The following URB1 variants were observed in gnomAD, a reference collection of about 807,000 sequenced individuals.
URB1 encodes URB1 ribosome biogenesis factor.
In URB1, 197 loss-of-function variants were observed where a neutral mutation model predicts 242.3. That is an observed-to-expected ratio of 0.81 (90% CI 0.72 to 0.91). The LOEUF is 0.91. Ranked by LOEUF, URB1 falls within the 40% of genes least tolerant of loss-of-function variation. The pLI, the probability that URB1 is intolerant of heterozygous loss-of-function variation, is 0.00. For synonymous variants in URB1, 1,153 were observed against 1,201.8 expected (o/e 0.96, Z 0.84); for missense variants, 2,721 against 2,860.5 (o/e 0.95, Z 1.11).
chr21:32,339,141 T>C (rs1302168968), intron 25 of URB1, among the ~76,000 whole-genome samples: 1 of 152,004 alleles, frequency 6.6e-6, no homozygotes, highest in Non-Finnish European at 1.5e-5. Flanking sequence ...ATTAAAGGCA[T>C]GCACCACCAC....
At chr21:32,338,989 T>G (rs2032997262) in intron 25 of URB1, 89 bp from the exon 26 acceptor site, 1 of 1,231,060 alleles carries the variant, frequency 8.1e-7, no homozygotes, top group East Asian at 2.7e-5. Flanking sequence ...TCTCAGTATT[T>G]TATTTATTTA....
At chr21:32,367,947 G>C (rs1005092945) in intron 9 of URB1, among the ~76,000 whole-genome samples, 1 of 152,144 alleles carries the variant, frequency 6.6e-6, no homozygotes, top group Non-Finnish European at 1.5e-5. Flanking sequence ...TAGAAGATAA[G>C]GACACCAAAT....
intron 30 of URB1, among the ~76,000 whole-genome samples, chr21:32,326,031 C>T (rs1416160519): frequency 1.2e-4 from 18 of 151,816 alleles, no homozygotes; most frequent in African/African-American, 4.1e-4. Context: ...CCGAGAGAAG[C>T]TGACAATCAC....
In URB1 at chr21:32,311,917, C is replaced by T; in HGVS notation, c.*3001G>A. The T allele has an allele frequency of 6.2e-7, 1 of 1,613,844 alleles. No individual in the cohort carries two copies. On this transcript the variant is annotated 3_prime_UTR_variant, in exon 39 of 39. Coordinates refer to ENST00000382751, the MANE Select transcript of URB1 (RefSeq NM_014825.3). ...CACCCCACTCTCCTCTGGGAACTGA[C>T]CCTCAATGGGGGTCCCCTCGTCAGG...
intron 30 of URB1, among the ~76,000 whole-genome samples, chr21:32,326,794 C>T (rs950454854): frequency 5.9e-5 from 9 of 152,170 alleles, no homozygotes; most frequent in African/African-American, 2.2e-4. Flanking sequence ...ACTATGAAAC[C>T]ATGAGTCAAT....
chr21:32,349,371 G>C lies in URB1; in HGVS notation c.2945C>G (p.Ala982Gly). Residue 982 changes from alanine to glycine, a missense_variant, in exon 21 of 39, where the codon GCC becomes GGC. Ala to Gly is a moderately conservative substitution (Grantham distance 60). Coordinates refer to ENST00000382751, the MANE Select transcript of URB1 (RefSeq NM_014825.3). Reference sequence around the variant, plus strand: ...CAGGAAGAGGTCGGCTTCGGCCCGGGCGGCCTCGCATCTCTGCTGGTTCTG... The same window carrying C: ...CAGGAAGAGGTCGGCTTCGGCCCGGCCGGCCTCGCATCTCTGCTGGTTCTG... ...DAQNQQRCEAARAEADLFLDM... is the reference protein window; with the variant it reads ...DAQNQQRCEAGRAEADLFLDM... 6.4e-7 allele frequency: 1 copy of C among 1,551,516 alleles called. No homozygotes were observed. The highest frequency in any genetic ancestry group is 8.7e-7 in the Non-Finnish European group (1 of 1,146,978).
At chr21:32,374,335 C>T (rs899235292) in intron 6 of URB1, among the ~76,000 whole-genome samples, 8 of 152,190 alleles carry the variant, frequency 5.3e-5, no homozygotes, top group South Asian at 2.1e-4. Flanking sequence ...TCCACCCAAA[C>T]CTAACCCCAG....
rs114564279 is a variant in URB1 at position 32,317,808 on chromosome 21, C to T, written c.5902G>A (p.Val1968Ile). The T allele has an allele frequency of 6.3e-4, 973 of 1,551,956 alleles. 11 individuals carry two copies. In the African/African-American group the frequency reaches 0.012, roughly 18 times the overall value. The change falls in exon 37 of 39, where the codon GTA becomes ATA. Residue 1968 changes from valine (V) to isoleucine (I), a missense_variant. Physicochemically the swap from Val to Ile is conservative, Grantham distance 29. Transcript: ENST00000382751. ...QAFRDMNRFT[V>I]NETVLSTKDV... is the part of the protein sequence containing the mutation. ...TTGGTGGAAAGCACTGTCTCATTTA[C>T]GGTGAATCTGTTCATGTCCCTAAAG...
At position 32,384,468 on chromosome 21, in the gene URB1, C is replaced by A; in HGVS notation, c.283-4G>T. On this transcript the variant is annotated splice_polypyrimidine_tract_variant and splice_region_variant and intron_variant, in intron 2 of 38. Transcript: ENST00000382751. ...AAACTTGAAATATTAACATCGTCTG[C>A]AAAGACAGAATTGAAACGCTTAGAA... The A allele has an allele frequency of 6.5e-7, 1 of 1,549,944 alleles. No homozygotes were observed. The highest frequency in any genetic ancestry group is 1.2e-5 in the South Asian group (1 of 84,026).
intron 25 of URB1, among the ~76,000 whole-genome samples, chr21:32,341,080 C>A (rs2033024054): frequency 6.6e-6 from 1 of 152,008 alleles, no homozygotes; most frequent in Non-Finnish European, 1.5e-5. Flanking sequence ...TACTAACACT[C>A]AGTGTATGAA....
intron 1 of URB1, among the ~76,000 whole-genome samples, chr21:32,391,605 C>T (rs1479026682): frequency 6.6e-6 from 1 of 152,136 alleles, no homozygotes; most frequent in South Asian, 2.1e-4. Context: ...TTTATCTCTA[C>T]CGTAGCAAAT....
chr21:32,363,837 T>C (rs1342207165), intron 10 of URB1, among the ~76,000 whole-genome samples: 1 of 151,908 alleles, frequency 6.6e-6, no homozygotes, highest in African/African-American at 2.4e-5. Context: ...TTTTTTTTTT[T>C]AAGAGATGAG....
chr21:32,339,127 T>C (rs1440992983), intron 25 of URB1, among the ~76,000 whole-genome samples: 1 of 152,124 alleles, frequency 6.6e-6, no homozygotes, highest in Non-Finnish European at 1.5e-5. Context: ...CCAGAGTAAC[T>C]GGGATTAAAG....
Position 32,357,551 on chromosome 21 carries a change from G to T in URB1, c.1975C>A (p.Leu659Ile), listed in dbSNP as rs1303145648. 2 of 1,521,614 alleles carry T rather than the reference G, an allele frequency of 1.3e-6. No individual in the cohort carries two copies. Among genetic ancestry groups the T allele is most frequent in the Non-Finnish European group, 1.8e-6 (2 of 1,137,286 alleles). 94.3% of individuals were successfully genotyped at this position (1,521,614 alleles called of 1,614,324 possible). Residue 659 changes from leucine to isoleucine, a missense_variant, in exon 15 of 39, where the codon CTT (leucine) becomes ATT (isoleucine). Physicochemically the swap from Leu to Ile is conservative, Grantham distance 5. Transcript: ENST00000382751. ...SHLQLKSLTK[L>I]LIMKILRDTG... ...AAAATGCTCACCTTCATGATCAGAA[G>T]TTTGGTCAATGACTTCAGTTGTAAA...
intron 4 of URB1, among the ~76,000 whole-genome samples, chr21:32,382,857 G>A (rs961017540): frequency 6.6e-6 from 1 of 152,152 alleles, no homozygotes; most frequent in African/African-American, 2.4e-5. Flanking sequence ...AAAGCCACCA[G>A]GGAATTTTTG....
intron 15 of URB1, among the ~76,000 whole-genome samples, chr21:32,356,279 C>A (rs9981927): frequency 0.15 from 22,312 of 152,084 alleles, 2,194 homozygotes; most frequent in African/African-American, 0.28. Flanking sequence ...GTGGCCCTAG[C>A]TACTCAGGAG....
rs1208596020 is a variant in URB1, at chr21:32,315,016, G to A, written c.6718C>T (p.Arg2240Trp). 6 of 1,551,608 alleles carry A rather than the reference G, an allele frequency of 3.9e-6. No homozygotes were observed. Among genetic ancestry groups the A allele is most frequent in the Non-Finnish European group, 2.6e-6 (3 of 1,146,978 alleles). The change falls in exon 39 of 39, where the codon CGG (arginine) becomes TGG (tryptophan). Residue 2240 changes from arginine (R) to tryptophan (W), a missense_variant. Arg to Trp is a moderately radical substitution (Grantham distance 101). Coordinates refer to ENST00000382751, the MANE Select transcript of URB1 (RefSeq NM_014825.3). ...QRPDTLLTHV[R>W]MVCEAADDAP... The stretch of plus-strand genomic sequence containing the variant: ...TCATCTGCGGCCTCACACACCATCC[G>A]GACGTGGGTTAAGAGGGTGTCCGGC...
chr21:32,346,924 C>A (rs1473588898), intron 22 of URB1, 32 bp downstream of exon 22: 1 of 1,471,550 alleles, frequency 6.8e-7, no homozygotes, highest in Non-Finnish European at 9.1e-7. Flanking sequence ...CAACTTAAGA[C>A]CCCAGCTGCC....
At chr21:32,325,484 T>C (rs2032819767) in intron 30 of URB1, 95 bp from the exon 31 acceptor site, 17 of 1,422,680 alleles carry the variant, frequency 1.2e-5, no homozygotes, top group Non-Finnish European at 1.5e-5. Context: ...GTCTTACCAA[T>C]AGCTACATGT....
Sources: allele counts gnomAD v4.1 joint callset (sites outside exome capture counted in the v4.1 genomes callset), GRCh38; gene constraint gnomAD v4.1.1; transcripts MANE v1.5; gene names NCBI Gene and HGNC (gene_info 2026-07-23, HGNC 2026-07-21).